The following MYO1D variants were observed in gnomAD, a reference collection of about 807,000 sequenced individuals.
MYO1D encodes the protein unconventional myosin-Id.
Under a neutral mutation model 122.0 loss-of-function variants are expected in MYO1D, and 83 were observed. The ratio of observed to expected loss-of-function variants is 0.68; its 90% CI spans 0.57 to 0.82. MYO1D has a LOEUF of 0.82. Ranked by LOEUF, MYO1D falls within the 40% of genes least tolerant of loss-of-function variation. The pLI, the probability that MYO1D is intolerant of heterozygous loss-of-function variation, is 0.00. For missense variants in MYO1D, 1,157 were observed against 1,269.5 expected, an observed-to-expected ratio of 0.91 and a Z score of 1.35; for synonymous variants, 464 against 446.9, an observed-to-expected ratio of 1.04 and a Z score of -0.48.
At chr17:32,623,994 C>T (rs762105286) in intron 20 of MYO1D, among the ~76,000 whole-genome samples, 86 of 152,130 alleles carry the variant, frequency 5.7e-4, no homozygotes, top group Non-Finnish European at 1.2e-3. Flanking sequence ...CAGACCTTAG[C>T]ACTCTGTGTC....
At chr17:32,615,159 G>A (rs2087755419) in intron 20 of MYO1D, among the ~76,000 whole-genome samples, 1 of 152,220 alleles carries the variant, frequency 6.6e-6, no homozygotes, top group Non-Finnish European at 1.5e-5. Flanking sequence ...CAGGAGTAGG[G>A]TGCTCCTATA....
At chr17:32,500,330 C>G (rs1283444103) in intron 21 of MYO1D, among the ~76,000 whole-genome samples, 1 of 152,224 alleles carries the variant, frequency 6.6e-6, no homozygotes, top group East Asian at 1.9e-4. Flanking sequence ...TGGTCAAGAG[C>G]CTCCTGGGAT....
intron 1 of MYO1D, among the ~76,000 whole-genome samples, chr17:32,782,454 T>C (rs1044940637): frequency 1.3e-5 from 2 of 152,178 alleles, no homozygotes; most frequent in African/African-American, 4.8e-5. Flanking sequence ...ATCTGTAAAA[T>C]GGTCATAATT....
At chr17:32,792,159 C>A (rs1284947998) in intron 1 of MYO1D, among the ~76,000 whole-genome samples, 2 of 152,110 alleles carry the variant, frequency 1.3e-5, no homozygotes, top group East Asian at 3.9e-4. Flanking sequence ...GTAGCTATTT[C>A]TTTGTGCATA....
At chr17:32,527,747 G>A (rs1459328684) in intron 21 of MYO1D, among the ~76,000 whole-genome samples, 2 of 152,084 alleles carry the variant, frequency 1.3e-5, no homozygotes, top group Non-Finnish European at 2.9e-5. Flanking sequence ...GTAGTGAGCT[G>A]TGACTGTGCT....
chr17:32,871,601 A>G (rs2091180945), intron 1 of MYO1D, among the ~76,000 whole-genome samples: 1 of 152,244 alleles, frequency 6.6e-6, no homozygotes, highest in Non-Finnish European at 1.5e-5. Flanking sequence ...ACAGGAACCA[A>G]TAACAAATAA....
At chr17:32,786,085 C>A (rs1307507589) in intron 1 of MYO1D, among the ~76,000 whole-genome samples, 1 of 152,160 alleles carries the variant, frequency 6.6e-6, no homozygotes, top group Non-Finnish European at 1.5e-5. Flanking sequence ...ATCTCCGGCA[C>A]TGGAGTAGAG....
chr17:32,813,502 G>T (rs1344907137), intron 1 of MYO1D, among the ~76,000 whole-genome samples: 1 of 152,204 alleles, frequency 6.6e-6, no homozygotes, highest in Admixed American at 6.5e-5. Context: ...GGAGGAGGAG[G>T]AGTGGGAAAG....
At chr17:32,599,223 T>A (rs1374996607) in intron 21 of MYO1D, among the ~76,000 whole-genome samples, 1 of 152,258 alleles carries the variant, frequency 6.6e-6, no homozygotes, top group Non-Finnish European at 1.5e-5. Context: ...ATATTTTAGA[T>A]GCTTTGTCAT....
At chr17:32,762,839 A>G (rs760975083) in intron 8 of MYO1D, among the ~76,000 whole-genome samples, 13 of 143,458 alleles carry the variant, frequency 9.1e-5, no homozygotes, top group Non-Finnish European at 1.5e-4. Flanking sequence ...ATACCATTGC[A>G]CTCCAGCCTG....
At chr17:32,792,338 T>G (rs2090361172) in intron 1 of MYO1D, 3 of 152,232 alleles carry the variant, frequency 2.0e-5, no homozygotes, top group Admixed American at 2.0e-4. Context: ...GGGTGTGGGT[T>G]TTTAAACCAA....
chr17:32,617,987 G>C (rs187507733), intron 20 of MYO1D, among the ~76,000 whole-genome samples: 2 of 152,128 alleles, frequency 1.3e-5, no homozygotes, highest in East Asian at 3.9e-4. Context: ...CTTTCTTAGG[G>C]ATTCAAAGTT....
In MYO1D at chr17:32,877,074, G is replaced by C. The variant is rs1000870538; in HGVS notation, c.-202C>G. On this transcript the variant is annotated 5_prime_UTR_variant, in exon 1 of 22. Transcript: ENST00000318217. ...CTTCTCGGCCGGCGCGGCTCCGAAC[G>C]GGACGCACCCGACAGTTTCCGCTCC... 1 of 219,708 alleles carries C rather than the reference G, an allele frequency of 4.6e-6. No homozygotes were observed. Among genetic ancestry groups the C allele is most frequent in the Non-Finnish European group, 8.8e-6 (1 of 113,548 alleles). The allele number at this position is 219,708 out of a possible 1,614,324, so 13.6% of individuals were successfully genotyped here.
chr17:32,765,153 C>A, intron 7 of MYO1D, 72 bp from the exon 8 acceptor site: 2 of 1,272,992 alleles, frequency 1.6e-6, no homozygotes, highest in Non-Finnish European at 2.2e-6. Context: ...ATATAAAATA[C>A]AATTCAGGTG....
intron 1 of MYO1D, among the ~76,000 whole-genome samples, chr17:32,847,453 A>G (rs1020034851): frequency 1.3e-5 from 2 of 152,216 alleles, no homozygotes; most frequent in Non-Finnish European, 2.9e-5. Flanking sequence ...ACTGCAGGAC[A>G]TATCTTGGAA....
At chr17:32,699,301 G>C (rs2089216122) in intron 16 of MYO1D, among the ~76,000 whole-genome samples, 1 of 152,122 alleles carries the variant, frequency 6.6e-6, no homozygotes, top group Admixed American at 6.5e-5. Flanking sequence ...TTTTAAAGAT[G>C]AAATGATATG....
At chr17:32,741,946 C>A (rs1411344316) in intron 13 of MYO1D, among the ~76,000 whole-genome samples, 2 of 145,652 alleles carry the variant, frequency 1.4e-5, no homozygotes, top group Non-Finnish European at 3.0e-5. Context: ...ACCTGGGAGG[C>A]GGAGCTTGCA....
chr17:32,786,185 C>A (rs1312546828), intron 1 of MYO1D, among the ~76,000 whole-genome samples: 1 of 151,944 alleles, frequency 6.6e-6, no homozygotes, highest in Non-Finnish European at 1.5e-5. Flanking sequence ...GGCTTTGGAA[C>A]AAAATAAGTC....
chr17:32,643,684 CTAGATTTTT>C (rs2088240808), intron 19 of MYO1D, among the ~76,000 whole-genome samples: 2 of 152,120 alleles, frequency 1.3e-5, no homozygotes, highest in Non-Finnish European at 2.9e-5. Context: ...TCCATTTCTT[CTAGATTTTT>C]TAGTTTATTT....
Sources: gnomAD v4.1 joint callset for allele counts (sites outside exome capture counted in the v4.1 genomes callset) on GRCh38, gnomAD v4.1.1 for gene constraint, MANE v1.5 for transcripts, NCBI Gene and HGNC (gene_info 2026-07-23, HGNC 2026-07-21) for gene names.